Variants in KLHL3 observed in about 807,000 individuals in gnomAD.
KLHL3 encodes the protein kelch-like protein 3.
KLHL3 carries 19 observed loss-of-function variants against 70.5 expected under a neutral mutation model. The ratio of observed to expected loss-of-function variants is 0.27; its 90% CI spans 0.19 to 0.40. The LOEUF (loss-of-function observed/expected upper bound fraction) is 0.40, where lower values mean the gene tolerates loss of function less well. Among genes scored for constraint, KLHL3 ranks in the 10% least tolerant of loss-of-function variants. The pLI is 1.00. For synonymous variants in KLHL3, 258 were observed against 290.3 expected (o/e 0.89, Z 1.13); for missense variants, 512 against 771.1 (o/e 0.66, Z 3.98).
At chr5:137,698,248 G>A in intron 4 of KLHL3, 39 bp downstream of exon 4, 1 of 1,609,980 alleles carries the variant, frequency 6.2e-7, no homozygotes, top group Non-Finnish European at 8.5e-7. Context: ...TGGGTCCTGA[G>A]TGTGCAATAC....
intron 1 of KLHL3, chr5:137,720,904 T>C: frequency 9.2e-7 from 1 of 1,087,386 alleles, no homozygotes; most frequent in Non-Finnish European, 1.1e-6. Context: ...TTCACAGGTT[T>C]GTTTGTTCAT....
chr5:137,677,191 C>T (rs949662689), intron 6 of KLHL3, among the ~76,000 whole-genome samples: 2 of 152,034 alleles, frequency 1.3e-5, no homozygotes, highest in African/African-American at 4.8e-5. Context: ...TCACACCTGT[C>T]ATCCCAGCAT....
Position 137,618,479 on chromosome 5 carries a change from A to G in KLHL3, c.*3619T>C, listed in dbSNP as rs1561576766. ...CAAAGCATATGCTTAACACACAGGG[A>G]TCATGAGGATTGACCCCTCTTTTAA... On this transcript the variant is annotated 3_prime_UTR_variant, in exon 15 of 15. Coordinates refer to ENST00000309755, the MANE Select transcript of KLHL3 (RefSeq NM_017415.3). 1 of 152,212 alleles carries G rather than the reference A, an allele frequency of 6.6e-6. No individual in the cohort carries two copies. Among genetic ancestry groups the G allele is most frequent in the Non-Finnish European group, 1.5e-5 (1 of 68,042 alleles). The allele number at this position is 152,212 out of a possible 1,614,324, so 9.4% of individuals were successfully genotyped here. A position where few individuals can be genotyped will look rare whatever the true frequency, so the allele number is the denominator to read the frequency against.
At chr5:137,663,056 C>CTTT (rs139890036) in intron 6 of KLHL3, among the ~76,000 whole-genome samples, 56 of 77,904 alleles carry the variant, frequency 7.2e-4, no homozygotes, top group African/African-American at 1.3e-3. Context: ...AGCACTCGTT[C>CTTT]TTTTTTTTTT....
intron 8 of KLHL3, among the ~76,000 whole-genome samples, chr5:137,649,332 T>G (rs1751140526): frequency 6.6e-6 from 1 of 152,366 alleles, no homozygotes; most frequent in South Asian, 2.1e-4. Context: ...CTGTGTTAGA[T>G]GTGTGCTCTC....
intron 2 of KLHL3, among the ~76,000 whole-genome samples, chr5:137,710,591 T>C (rs1752773404): frequency 6.6e-6 from 1 of 152,168 alleles, no homozygotes; most frequent in Admixed American, 6.5e-5. Context: ...AATTAATGAA[T>C]GAAATGTGAT....
At chr5:137,654,741 G>A (rs1042678811) in intron 8 of KLHL3, among the ~76,000 whole-genome samples, 2 of 152,186 alleles carry the variant, frequency 1.3e-5, no homozygotes, top group African/African-American at 4.8e-5. Flanking sequence ...CATGGTTCCA[G>A]TTGCCTGCAG....
intron 12 of KLHL3, chr5:137,629,254 GAC>G (rs1250424210): frequency 1.3e-5 from 2 of 152,204 alleles, no homozygotes; most frequent in Non-Finnish European, 2.9e-5. Flanking sequence ...TGGTAGCTAG[GAC>G]ACCTGTGTTC....
chr5:137,667,795 A>G (rs1435326391), intron 6 of KLHL3, among the ~76,000 whole-genome samples: 1 of 152,202 alleles, frequency 6.6e-6, no homozygotes, highest in African/African-American at 2.4e-5. Context: ...AATTTTGACA[A>G]TATCAGGGAA....
At chr5:137,722,359 A>C (rs1753012608) in intron 1 of KLHL3, among the ~76,000 whole-genome samples, 1 of 152,188 alleles carries the variant, frequency 6.6e-6, no homozygotes, top group Non-Finnish European at 1.5e-5. Context: ...AAATAACTGA[A>C]CTTTGGGGCT....
chr5:137,658,741 C>G (rs191439643), intron 7 of KLHL3, among the ~76,000 whole-genome samples: 1 of 152,132 alleles, frequency 6.6e-6, no homozygotes, highest in African/African-American at 2.4e-5. Context: ...CATCAGCCAA[C>G]CTTTGGAGGC....
intron 3 of KLHL3, among the ~76,000 whole-genome samples, chr5:137,704,231 A>C (rs1386942077): frequency 2.6e-5 from 4 of 151,966 alleles, no homozygotes; most frequent in African/African-American, 9.7e-5. Context: ...TAAAAATACA[A>C]AAAATTAGCC....
chr5:137,717,353 C>T (rs563483872), intron 2 of KLHL3, among the ~76,000 whole-genome samples: 22 of 152,306 alleles, frequency 1.4e-4, no homozygotes, highest in Non-Finnish European at 2.8e-4. Context: ...ACAGACTTGT[C>T]GCCATTAGCT....
intron 8 of KLHL3, among the ~76,000 whole-genome samples, chr5:137,648,852 T>C (rs1452022550): frequency 6.6e-6 from 1 of 152,224 alleles, no homozygotes; most frequent in Non-Finnish European, 1.5e-5. Flanking sequence ...ACTGAATTTA[T>C]GAAAGCACAA....
Position 137,677,652 on chromosome 5 carries a change from G to T in KLHL3, c.529C>A (p.Gln177Lys). The change falls in exon 6 of 15, where the codon CAG becomes AAG. Residue 177 changes from glutamine to lysine, a missense_variant and splice_region_variant. Transcript: ENST00000309755. ...CCTAGCATCACCTCTGGAAAGTGCT[G>T]CTCTGTTCCAAAAAAAAAAAAAAGA... Reference protein sequence around the residue: ...LLQQANAYAEQHFPEVMLGEE... With the variant: ...LLQQANAYAEKHFPEVMLGEE... 1 of 1,548,932 alleles carries T rather than the reference G, an allele frequency of 6.5e-7. No homozygotes were observed.
At chr5:137,695,791 T>G (rs1183732145) in intron 4 of KLHL3, among the ~76,000 whole-genome samples, 1 of 152,218 alleles carries the variant, frequency 6.6e-6, no homozygotes, top group Non-Finnish European at 1.5e-5. Flanking sequence ...AAAGGCCAAG[T>G]GCAGGTCCTC....
rs199469646 is a variant in KLHL3 at position 137,625,765 on chromosome 5, G to A, written c.1723C>T (p.Arg575Trp). Residue 575 changes from arginine (R) to tryptophan (W), a missense_variant, in exon 14 of 15, where the codon CGG becomes TGG. Coordinates refer to ENST00000309755, the MANE Select transcript of KLHL3 (RefSeq NM_017415.3). ...GGCACACACTGACCTGCATAGCTCCGCCCCGTGCTCATGTTCGTTGGAAGC... is the reference window on the plus strand; with the variant it reads ...GGCACACACTGACCTGCATAGCTCCACCCCGTGCTCATGTTCGTTGGAAGC... ...TLLPTNMSTG[R>W]SYAGVAVIHK... 11 of 1,613,960 alleles carry A rather than the reference G, an allele frequency of 6.8e-6. No homozygotes were observed. The highest frequency in any genetic ancestry group is 9.3e-6 in the Non-Finnish European group (11 of 1,180,012).
At chr5:137,626,252 T>C (rs1750459385) in intron 13 of KLHL3, among the ~76,000 whole-genome samples, 1 of 152,226 alleles carries the variant, frequency 6.6e-6, no homozygotes, top group Non-Finnish European at 1.5e-5. Flanking sequence ...GTGCCAGGCC[T>C]GAGCTAGGGA....
At position 137,621,841 on chromosome 5, in the gene KLHL3, A is replaced by G; in HGVS notation, c.*257T>C. 3.6e-6 allele frequency: 2 copies of G among 561,138 alleles called. No individual in the cohort carries two copies. The allele number at this position is 561,138 out of a possible 1,614,324, so 34.8% of individuals were successfully genotyped here. Reference sequence around the variant, plus strand: ...ATTGTCCCTGTAGAAACACCAAAACAAAGCCCAAAGGTGCTGCCTGGGGAT... The same window carrying G: ...ATTGTCCCTGTAGAAACACCAAAACGAAGCCCAAAGGTGCTGCCTGGGGAT... On this transcript the variant is annotated 3_prime_UTR_variant, in exon 15 of 15. Coordinates refer to ENST00000309755, the MANE Select transcript of KLHL3 (RefSeq NM_017415.3).
Sources: gnomAD v4.1 joint callset for allele counts (sites outside exome capture counted in the v4.1 genomes callset) on GRCh38, gnomAD v4.1.1 for gene constraint, MANE v1.5 for transcripts, NCBI Gene and HGNC (gene_info 2026-07-23, HGNC 2026-07-21) for gene names.